The following SLC16A2 variants were observed in gnomAD, a reference collection of about 807,000 sequenced individuals.
SLC16A2 encodes monocarboxylate transporter 8.
Under a neutral mutation model 27.2 loss-of-function variants are expected in SLC16A2, and 3 were observed. The ratio of observed to expected loss-of-function variants is 0.11; its 90% confidence interval spans 0.05 to 0.28. SLC16A2 has a LOEUF of 0.28. Ranked by LOEUF, SLC16A2 falls within the 10% of genes least tolerant of loss-of-function variation. The pLI, the probability that SLC16A2 is intolerant of heterozygous loss-of-function variation, is 1.00. For missense variants in SLC16A2, 295 were observed against 458.5 expected (o/e 0.64, Z 3.26); for synonymous variants, 202 against 187.8 (o/e 1.08, Z -0.62).
At chrX:74,451,451 G>GT (rs1441183542) in intron 1 of SLC16A2, among the ~76,000 whole-genome samples, 10 of 112,397 alleles carry the variant, frequency 8.9e-5, no homozygotes, top group Non-Finnish European at 1.3e-4. Flanking sequence ...CAGTTCTGAT[G>GT]TTTTTTCTCT....
chrX:74,433,887 G>T (rs1393496618), intron 1 of SLC16A2, among the ~76,000 whole-genome samples: 1 of 111,823 alleles, frequency 8.9e-6, no homozygotes, highest in East Asian at 2.8e-4. Context: ...AAAACTTCTT[G>T]GAGTCTGAGT....
In SLC16A2 at chrX:74,531,726, A is replaced by G; in HGVS notation, c.*173A>G. The G allele has an allele frequency of 2.0e-6, 1 of 494,887 alleles. No homozygotes were observed. Among genetic ancestry groups the G allele is most frequent in the South Asian group, 2.8e-5 (1 of 36,244 alleles). 40.8% of individuals were successfully genotyped at this position (494,887 alleles called of 1,213,427 possible). A position where few individuals can be genotyped will look rare whatever the true frequency, so the allele number is the denominator to read the frequency against. On this transcript the variant is annotated 3_prime_UTR_variant, in exon 6 of 6. Coordinates refer to ENST00000587091, the MANE Select transcript of SLC16A2 (RefSeq NM_006517.5). ...TCCAGGTGTTCCAAACTCATTAACT[A>G]AATTCTCCCCAGAATGCTTTTAAAT... is the stretch of plus-strand genomic sequence containing the variant.
intron 1 of SLC16A2, among the ~76,000 whole-genome samples, chrX:74,426,678 A>G (rs1054781851): frequency 7.1e-5 from 8 of 112,391 alleles, no homozygotes; most frequent in African/African-American, 2.3e-4. Context: ...AGAGGGTTTG[A>G]CTAAATAAAC....
At chrX:74,497,196 G>A (rs1251639076) in intron 1 of SLC16A2, among the ~76,000 whole-genome samples, 1 of 111,721 alleles carries the variant, frequency 9.0e-6, no homozygotes, top group Non-Finnish European at 1.9e-5. Flanking sequence ...ACAGGTCCGG[G>A]GTGAAGCCCC....
chrX:74,508,619 T>C (rs1930175576), intron 1 of SLC16A2, among the ~76,000 whole-genome samples: 1 of 112,077 alleles, frequency 8.9e-6, no homozygotes, highest in Non-Finnish European at 1.9e-5. Flanking sequence ...CTAGGTAAAT[T>C]ATAATGTTGT....
At chrX:74,476,460 A>G (rs947975696) in intron 1 of SLC16A2, among the ~76,000 whole-genome samples, 4 of 111,310 alleles carry the variant, frequency 3.6e-5, no homozygotes, top group South Asian at 7.6e-4. Context: ...CTAACTGAAT[A>G]CCCTTTATTT....
chrX:74,465,390 GAGAAAGGCAGGGGC>G (rs1433671782), intron 1 of SLC16A2, among the ~76,000 whole-genome samples: 2 of 110,760 alleles, frequency 1.8e-5, no homozygotes, highest in African/African-American at 6.6e-5. Context: ...AACTATGGCA[GAGAAAGGCAGGGGC>G]AGAACCCTTC....
chrX:74,428,454 T>C (rs1928459637), intron 1 of SLC16A2, among the ~76,000 whole-genome samples: 1 of 111,868 alleles, frequency 8.9e-6, no homozygotes, highest in African/African-American at 3.2e-5. Flanking sequence ...GTGCATTTTT[T>C]ATCACGTTTG....
chrX:74,479,928 A>G (rs1461261510), intron 1 of SLC16A2, among the ~76,000 whole-genome samples: 1 of 112,280 alleles, frequency 8.9e-6, no homozygotes, highest in Non-Finnish European at 1.9e-5. Flanking sequence ...CTACTTGGGC[A>G]TCAGGGACCC....
chrX:74,527,654 A>G (rs1046862020), intron 4 of SLC16A2, among the ~76,000 whole-genome samples: 1 of 112,231 alleles, frequency 8.9e-6, no homozygotes, highest in Admixed American at 9.4e-5. Context: ...TCCAAGAGGG[A>G]TTTTAAATTT....
chrX:74,448,894 G>A (rs750398266), intron 1 of SLC16A2, among the ~76,000 whole-genome samples: 1 of 110,994 alleles, frequency 9.0e-6, no homozygotes, highest in Admixed American at 9.6e-5. Context: ...TGCCTCAAAT[G>A]TCAGTTACCC....
chrX:74,519,964 G>T (rs1025798058), intron 1 of SLC16A2, among the ~76,000 whole-genome samples: 3 of 111,007 alleles, frequency 2.7e-5, no homozygotes, highest in Non-Finnish European at 5.7e-5. Flanking sequence ...AGGCAGAGAG[G>T]GCTCAGGGTA....
chrX:74,428,662 C>G (rs1928467917), intron 1 of SLC16A2, among the ~76,000 whole-genome samples: 1 of 110,500 alleles, frequency 9.0e-6, no homozygotes, highest in African/African-American at 3.3e-5. Context: ...TTTCCACTTT[C>G]TGGGTGAAGG....
chrX:74,500,679 G>T (rs1419003437), intron 1 of SLC16A2, among the ~76,000 whole-genome samples: 1 of 111,500 alleles, frequency 9.0e-6, no homozygotes, highest in East Asian at 2.8e-4. Flanking sequence ...AATTTTTGAT[G>T]AATCTCTCAG....
At chrX:74,526,319 C>G (rs1930486879) in intron 4 of SLC16A2, among the ~76,000 whole-genome samples, 1 of 111,361 alleles carries the variant, frequency 9.0e-6, no homozygotes, top group Admixed American at 9.5e-5. Context: ...TACCCAAGTG[C>G]AGAGCCCTGT....
At chrX:74,461,761 T>C (rs1304421746) in intron 1 of SLC16A2, among the ~76,000 whole-genome samples, 1 of 111,787 alleles carries the variant, frequency 8.9e-6, no homozygotes, top group South Asian at 3.8e-4. Context: ...TTAAAAATTG[T>C]AAGGATGAAA....
intron 1 of SLC16A2, among the ~76,000 whole-genome samples, chrX:74,484,277 C>A: frequency 8.9e-6 from 1 of 112,012 alleles, no homozygotes; most frequent in Non-Finnish European, 1.9e-5. Context: ...CAATCAAATA[C>A]ATTTAGGATA....
chrX:74,444,592 C>G (rs1928807425), intron 1 of SLC16A2, among the ~76,000 whole-genome samples: 1 of 112,216 alleles, frequency 8.9e-6, no homozygotes, highest in South Asian at 3.7e-4. Flanking sequence ...TCAGTTCCCT[C>G]ATTTGTAAAG....
At chrX:74,492,268 C>T (rs1417895313) in intron 1 of SLC16A2, among the ~76,000 whole-genome samples, 3 of 111,105 alleles carry the variant, frequency 2.7e-5, no homozygotes, top group Non-Finnish European at 5.7e-5. Context: ...ATTAGAGTAG[C>T]TCCATTGGCC....
Sources: allele counts gnomAD v4.1 joint callset (sites outside exome capture counted in the v4.1 genomes callset), GRCh38; gene constraint gnomAD v4.1.1; transcripts MANE v1.5; gene names NCBI Gene and HGNC (gene_info 2026-07-23, HGNC 2026-07-21).